The following DISP3 variants were observed in gnomAD, a reference collection of about 807,000 sequenced individuals.
DISP3 encodes protein dispatched homolog 3.
Under a neutral mutation model 135.3 loss-of-function variants are expected in DISP3, and 101 were observed. The ratio of observed to expected loss-of-function variants is 0.75; its 90% CI spans 0.64 to 0.88. The LOEUF (loss-of-function observed/expected upper bound fraction) is 0.88. DISP3 is among the 40% of genes least tolerant of loss of function. DISP3 has a pLI of 0.00. For missense variants in DISP3, 1,713 were observed against 1,878.6 expected (o/e 0.91, Z 1.63); for synonymous variants, 856 against 817.0 (o/e 1.05, Z -0.81).
At position 11,491,415 on chromosome 1, in the gene DISP3, C is replaced by G. The variant is rs914605391; in HGVS notation, c.-3-9575C>G. Among the ~76,000 whole-genome samples the G allele has an allele frequency of 7.9e-5, 12 of 152,064 alleles. No homozygotes were observed. Among genetic ancestry groups the G allele is most frequent in the Non-Finnish European group, 1.8e-4 (12 of 68,024 alleles). ...TTGAGTTTGAGATCAGCCTGGGCAA[C>G]CTAGCAAAACGCCATCTTTACAAAA... is the stretch of plus-strand genomic sequence containing the variant. On this transcript the variant is annotated intron_variant, in intron 1 of 20. Transcript: ENST00000294484. This position sits in a 1 kb window ranked among gnomAD's most constrained non-coding sequence, Gnocchi z 4.3.
chr1:11,503,621 GCCCCCATC>G (rs1439127017), intron 3 of DISP3, among the ~76,000 whole-genome samples: 1 of 151,958 alleles, frequency 6.6e-6, no homozygotes. Flanking sequence ...TTCTATCCTG[GCCCCCATC>G]CAGTTGGACA....
chr1:11,526,794 C>T lies in DISP3; in HGVS notation c.2757C>T (p.Asp919=), dbSNP rs752510967. ...ACDAKRGWKF[D]FSFYVATKEQ... ...ATGCCAAGCGGGGCTGGAAGTTTGA[C>T]TTCAGCTTCTACGTGGCCACCAAGG... Residue 919 remains aspartate (D), a synonymous_variant, in exon 13 of 21, where the codon GAC becomes GAT. Transcript: ENST00000294484. The T allele has an allele frequency of 3.1e-6, 5 of 1,611,530 alleles. No individual in the cohort carries two copies. In the African/African-American group the frequency reaches 4.0e-5, roughly 13 times the overall value.
chr1:11,508,819 A>C (rs1641777197), intron 3 of DISP3, among the ~76,000 whole-genome samples: 1 of 152,090 alleles, frequency 6.6e-6, no homozygotes, highest in Non-Finnish European at 1.5e-5. Context: ...TAAAATGTAC[A>C]ATTAACTTAT....
At chr1:11,507,462 C>T (rs918200932) in intron 3 of DISP3, among the ~76,000 whole-genome samples, 1 of 152,248 alleles carries the variant, frequency 6.6e-6, no homozygotes, top group African/African-American at 2.4e-5. Flanking sequence ...TCAGGCCCCA[C>T]ACAGCCCCAG....
rs772794796 is a variant in DISP3, at chr1:11,535,596, C to G, written c.3768C>G (p.Val1256=). 1.2e-6 allele frequency: 2 copies of G among 1,613,200 alleles called. No homozygotes were observed. Among genetic ancestry groups the G allele is most frequent in the African/African-American group, 1.3e-5 (1 of 74,874 alleles). ...GSSVDYCVHL[V]EGYLLAGENL... ...CCGTGGATTACTGCGTCCACCTGGT[C>G]GAGGGCTACCTGCTGGCTGGAGAGA... Residue 1256 remains valine, a synonymous_variant, in exon 20 of 21, where the codon GTC becomes GTG. Coordinates refer to ENST00000294484, the MANE Select transcript of DISP3 (RefSeq NM_020780.2).
At chr1:11,492,342 G>A (rs1347067770) in intron 1 of DISP3, among the ~76,000 whole-genome samples, 5 of 152,088 alleles carry the variant, frequency 3.3e-5, no homozygotes, top group Admixed American at 1.3e-4. Context: ...TGGCTGGGAC[G>A]TTTCCTCAGG....
intron 10 of DISP3, among the ~76,000 whole-genome samples, chr1:11,522,615 A>G (rs1325372580): frequency 1.5e-5 from 2 of 134,378 alleles, no homozygotes; most frequent in Admixed American, 1.5e-4. Flanking sequence ...GAGCCCAGCC[A>G]GGACCCAGCC....
chr1:11,532,554 T>C (rs1642602391), intron 17 of DISP3, among the ~76,000 whole-genome samples: 1 of 152,192 alleles, frequency 6.6e-6, no homozygotes, highest in Admixed American at 6.5e-5. Flanking sequence ...AAACCAGCCA[T>C]GAACCAGGAG....
At position 11,519,539 on chromosome 1, in the gene DISP3, G is replaced by A. The variant is rs183840561; in HGVS notation, c.2038+36G>A. The A allele has an allele frequency of 9.1e-4, 1,459 of 1,608,556 alleles. 26 individuals carry two copies. The South Asian group carries it at 0.012, about 13-fold the overall frequency. On this transcript the variant is annotated intron_variant, in intron 8 of 20. Coordinates refer to ENST00000294484, the MANE Select transcript of DISP3 (RefSeq NM_020780.2). This position sits in a 1 kb window ranked among gnomAD's most constrained non-coding sequence, Gnocchi z 4.3. ...GCACAGGCCTGCCCTACTGACCCCA[G>A]TGAGACCCAGCGCTGCCTCTGCCAG...
rs1641526983 is a variant in DISP3 at position 11,501,634 on chromosome 1, A to C, written c.642A>C (p.Ala214=). 1.2e-6 allele frequency: 2 copies of C among 1,608,984 alleles called. No homozygotes were observed. Among genetic ancestry groups the C allele is most frequent in the Non-Finnish European group, 1.7e-6 (2 of 1,178,034 alleles). Residue 214 remains alanine, a synonymous_variant, in exon 2 of 21, where the codon GCA becomes GCC. Coordinates refer to ENST00000294484, the MANE Select transcript of DISP3 (RefSeq NM_020780.2). The surrounding 1 kb of genome is among the most constrained non-coding windows in gnomAD (Gnocchi z 4.9). ...AGACCCCGCCCCTGGAGGATCTGGC[A>C]GCCAACCAGAGTGAAGACCCGCGAA... ...RRETPPLEDL[A]ANQSEDPRNQ...
chr1:11,530,100 T>C, intron 15 of DISP3, 141 bp downstream of exon 15: 1 of 1,161,634 alleles, frequency 8.6e-7, no homozygotes, highest in Non-Finnish European at 1.2e-6. Context: ...ACAGAACCCC[T>C]ATGGGCCCCT....
chr1:11,480,137 G>A (rs1335497701), intron 1 of DISP3, among the ~76,000 whole-genome samples: 1 of 152,192 alleles, frequency 6.6e-6, no homozygotes, highest in Non-Finnish European at 1.5e-5. Flanking sequence ...AGCAGGGCTG[G>A]GAAGGCGCCT....
chr1:11,480,666 AGC>A (rs200064636), intron 1 of DISP3, among the ~76,000 whole-genome samples: 1,720 of 116,274 alleles, frequency 0.015, 40 homozygotes, highest in African/African-American at 0.055. Flanking sequence ...TTCCACCCCC[AGC>A]GCGCGCGTGC....
intron 1 of DISP3, 149 bp downstream of exon 1, chr1:11,479,521 G>C (rs1640832752): frequency 6.6e-6 from 1 of 152,358 alleles, no homozygotes; most frequent in Admixed American, 6.5e-5. Flanking sequence ...GCCAGCCCGG[G>C]ATGCGGGCCT....
chr1:11,527,442 A>G (rs925389916), intron 13 of DISP3, among the ~76,000 whole-genome samples: 3 of 151,864 alleles, frequency 2.0e-5, no homozygotes, highest in Non-Finnish European at 2.9e-5. Flanking sequence ...CCAGCTACTC[A>G]GGAGGCTGAG....
chr1:11,524,226 C>T (rs968454695), intron 11 of DISP3, among the ~76,000 whole-genome samples, 171 bp downstream of exon 11: 2 of 152,006 alleles, frequency 1.3e-5, no homozygotes, highest in African/African-American at 2.4e-5. Context: ...CCCTCACCTC[C>T]CATCCCGCCA....
At chr1:11,480,612 C>T (rs1030837889) in intron 1 of DISP3, among the ~76,000 whole-genome samples, 2 of 151,808 alleles carry the variant, frequency 1.3e-5, no homozygotes, top group East Asian at 3.9e-4. Context: ...TCACCGATGC[C>T]CAGTGACTCA....
At chr1:11,515,980 G>T in intron 5 of DISP3, 21 bp from the exon 6 acceptor site, 1 of 1,611,902 alleles carries the variant, frequency 6.2e-7, no homozygotes. Flanking sequence ...CCTGAGCCTG[G>T]CTGGGGACTC....
At chr1:11,525,710 T>C (rs1642396303) in intron 12 of DISP3, among the ~76,000 whole-genome samples, 1 of 152,242 alleles carries the variant, frequency 6.6e-6, no homozygotes, top group South Asian at 2.1e-4. Flanking sequence ...CGGCCAGGAA[T>C]CTTGCTGTCC....
Sources: allele counts gnomAD v4.1 joint callset (sites outside exome capture counted in the v4.1 genomes callset), GRCh38; gene constraint gnomAD v4.1.1; non-coding constraint Gnocchi (gnomAD v3.1); transcripts MANE v1.5; gene names NCBI Gene and HGNC (gene_info 2026-07-23, HGNC 2026-07-21).